Variants in GALNT7 observed in about 807,000 individuals in gnomAD.
The protein encoded by GALNT7 is N-acetylgalactosaminyltransferase 7.
A neutral mutation model predicts 82.1 loss-of-function variants in GALNT7; 60 were observed. That is an observed-to-expected ratio of 0.73 (90% CI 0.59 to 0.91). The LOEUF (loss-of-function observed/expected upper bound fraction) is 0.91, where lower values mean the gene tolerates loss of function less well. Among genes scored for constraint, GALNT7 ranks in the 40% least tolerant of loss-of-function variants. The probability of loss-of-function intolerance (pLI) is 0.00; values close to 1 mark genes in which losing one functional copy is unlikely to be tolerated. For missense variants in GALNT7, 660 were observed against 804.2 expected, an observed-to-expected ratio of 0.82 and a Z score of 2.17; for synonymous variants, 243 against 275.1, an observed-to-expected ratio of 0.88 and a Z score of 1.15.
intron 2 of GALNT7, among the ~76,000 whole-genome samples, chr4:173,271,756 C>T (rs1735734349): frequency 6.6e-6 from 1 of 151,598 alleles, no homozygotes; most frequent in Admixed American, 6.6e-5. Flanking sequence ...TGTGCCTGGC[C>T]CCAAGTAGTA....
chr4:173,292,407 A>T lies in GALNT7; in HGVS notation c.754+133A>T. 1.7e-6 allele frequency: 1 copy of T among 587,564 alleles called. No homozygotes were observed. Among genetic ancestry groups the T allele is most frequent in the Admixed American group, 3.5e-5 (1 of 28,472 alleles). The allele number at this position is 587,564 out of a possible 1,614,324, so 36.4% of individuals were successfully genotyped here. A position where few individuals can be genotyped will look rare whatever the true frequency, so the allele number is the denominator to read the frequency against. On this transcript the variant is annotated intron_variant, in intron 3 of 11. Transcript: ENST00000265000. This position sits in a 1 kb window ranked among gnomAD's most constrained non-coding sequence, Gnocchi z 4.8. The stretch of plus-strand genomic sequence containing the variant: ...GATAGCATCTGTTATCAACAAGTTG[A>T]CACTGTGCCAAGCATTGTATGTGAG...
In GALNT7 at chr4:173,227,362, C is replaced by T. The variant is rs1426187294; in HGVS notation, c.127-20618C>T. Among the ~76,000 whole-genome samples, 6 of 152,108 alleles carry T rather than the reference C, an allele frequency of 3.9e-5. No individual in the cohort carries two copies. In the East Asian group the frequency reaches 5.8e-4, roughly 15 times the overall value. Reference sequence around the variant, plus strand: ...TTGTTTTTGTTTTGAGACAGTGTCTCGCTCTGTCGCCCAGGCTGGAGTGCA... The same window carrying T: ...TTGTTTTTGTTTTGAGACAGTGTCTTGCTCTGTCGCCCAGGCTGGAGTGCA... On this transcript the variant is annotated intron_variant, in intron 1 of 11. Coordinates refer to ENST00000265000, the MANE Select transcript of GALNT7 (RefSeq NM_017423.3).
chr4:173,266,877 GT>G (rs1735515470), intron 2 of GALNT7, among the ~76,000 whole-genome samples: 1 of 105,078 alleles, frequency 9.5e-6, no homozygotes, highest in Admixed American at 9.1e-5. Context: ...GGGTGTGTGT[GT>G]GTGTGTGTGT....
intron 6 of GALNT7, among the ~76,000 whole-genome samples, chr4:173,298,742 T>G (rs1213058413): frequency 6.6e-6 from 1 of 152,222 alleles, no homozygotes; most frequent in Non-Finnish European, 1.5e-5. Context: ...TGAAGGGCAC[T>G]AGCAAGAGAT....
intron 1 of GALNT7, among the ~76,000 whole-genome samples, chr4:173,189,846 C>A (rs184423970): frequency 4.7e-4 from 72 of 152,320 alleles, no homozygotes; most frequent in African/African-American, 1.7e-3. Flanking sequence ...CTATCCCAAT[C>A]TTATGGAAAT....
chr4:173,196,915 C>T (rs1287135166), intron 1 of GALNT7, among the ~76,000 whole-genome samples: 4 of 152,052 alleles, frequency 2.6e-5, no homozygotes, highest in Non-Finnish European at 5.9e-5. Context: ...TTCTTTGCTT[C>T]CTAGATGTTA....
chr4:173,222,160 T>A (rs1388247771), intron 1 of GALNT7, among the ~76,000 whole-genome samples: 1 of 152,216 alleles, frequency 6.6e-6, no homozygotes, highest in Non-Finnish European at 1.5e-5. Flanking sequence ...TAAACCTTTG[T>A]GTGAGTGGGG....
chr4:173,317,816 G>T, intron 10 of GALNT7, 84 bp downstream of exon 10: 1 of 842,996 alleles, frequency 1.2e-6, no homozygotes, highest in African/African-American at 1.7e-5. Flanking sequence ...TTTGTACTTT[G>T]GTTTTCGATT....
rs180988542 is a variant in GALNT7, at chr4:173,202,902, A to G, written c.126+33941A>G. On this transcript the variant is annotated intron_variant, in intron 1 of 11. Transcript: ENST00000265000. ...ATTCTCTTGATGAACTGTATCCTAT[A>G]CTACTATATAATGACCTTCTTTATC... is the stretch of plus-strand genomic sequence containing the variant. Among the ~76,000 whole-genome samples, 175 of 152,294 alleles carry G rather than the reference A, an allele frequency of 1.1e-3. 1 individual carries two copies. The Middle Eastern group carries it at 0.02, about 18-fold the overall frequency.
intron 4 of GALNT7, 76 bp downstream of exon 4, chr4:173,295,602 T>G: frequency 7.0e-7 from 1 of 1,426,964 alleles, no homozygotes; most frequent in Non-Finnish European, 9.8e-7. Context: ...TAATCATTCT[T>G]CAGTTTTTTT....
intron 3 of GALNT7, among the ~76,000 whole-genome samples, chr4:173,293,695 C>T (rs778247360): frequency 2.6e-4 from 39 of 152,094 alleles, no homozygotes; most frequent in African/African-American, 8.7e-4. Flanking sequence ...TGAGTTGGGC[C>T]GAAGTAAAAG....
chr4:173,290,392 A>G (rs989829300), intron 2 of GALNT7, among the ~76,000 whole-genome samples: 4 of 152,238 alleles, frequency 2.6e-5, no homozygotes, highest in Admixed American at 6.5e-5. Flanking sequence ...TCATCTGAAC[A>G]TGTATTCTAT....
intron 2 of GALNT7, among the ~76,000 whole-genome samples, chr4:173,286,725 A>G (rs1257071443): frequency 2.6e-5 from 4 of 152,174 alleles, no homozygotes; most frequent in Non-Finnish European, 5.9e-5. Context: ...GAGTTTCGTT[A>G]TGAGGTGGTA....
intron 1 of GALNT7, among the ~76,000 whole-genome samples, chr4:173,213,594 A>G (rs1169611324): frequency 2.6e-5 from 4 of 152,090 alleles, no homozygotes; most frequent in Non-Finnish European, 2.9e-5. Context: ...TTTTTGTTAT[A>G]CTTTGCAATC....
chr4:173,260,365 A>G (rs1471260597), intron 2 of GALNT7, among the ~76,000 whole-genome samples: 1 of 152,252 alleles, frequency 6.6e-6, no homozygotes, highest in Non-Finnish European at 1.5e-5. Context: ...GTTTTAAGGC[A>G]GTATTTTAGT....
chr4:173,311,091 C>G (rs899782024), intron 8 of GALNT7, among the ~76,000 whole-genome samples: 4 of 152,166 alleles, frequency 2.6e-5, no homozygotes, highest in Non-Finnish European at 5.9e-5. Flanking sequence ...AAACTACTTG[C>G]TATACTGCAA....
At chr4:173,203,016 A>AT (rs111907982) in intron 1 of GALNT7, among the ~76,000 whole-genome samples, 2,128 of 141,724 alleles carry the variant, frequency 0.015, 44 homozygotes, top group African/African-American at 0.05. Flanking sequence ...ATTTTCATGG[A>AT]TTTTTTTTTT....
At chr4:173,291,283 A>G (rs1736522898) in intron 2 of GALNT7, among the ~76,000 whole-genome samples, 1 of 152,214 alleles carries the variant, frequency 6.6e-6, no homozygotes, top group Non-Finnish European at 1.5e-5. Context: ...AAAATTAGGC[A>G]TACCTTGCTC....
At chr4:173,209,966 C>T (rs1733221529) in intron 1 of GALNT7, among the ~76,000 whole-genome samples, 1 of 151,984 alleles carries the variant, frequency 6.6e-6, no homozygotes, top group Admixed American at 6.5e-5. Context: ...AACCCCGTCT[C>T]TACTAAAAAT....
Sources: gnomAD v4.1 joint callset for allele counts (sites outside exome capture counted in the v4.1 genomes callset) on GRCh38, gnomAD v4.1.1 for gene constraint, Gnocchi (gnomAD v3.1) non-coding constraint, MANE v1.5 for transcripts, NCBI Gene and HGNC (gene_info 2026-07-23, HGNC 2026-07-21) for gene names.